The following LYPLAL1 variants were observed in gnomAD, a reference collection of about 807,000 sequenced individuals.
LYPLAL1 encodes the protein lysophospholipase-like protein 1.
A neutral mutation model predicts 19.7 loss-of-function variants in LYPLAL1; 23 were observed. The ratio of observed to expected loss-of-function variants is 1.17; its 90% CI spans 0.84 to 1.65. The LOEUF is 1.65. Among genes scored for constraint, LYPLAL1 ranks in the 40% most tolerant of loss-of-function variants. LYPLAL1 has a pLI of 0.00. For missense variants in LYPLAL1, 355 were observed against 279.4 expected (o/e 1.27, Z -1.93); for synonymous variants, 119 against 96.3 (o/e 1.24, Z -1.38).
intron 3 of LYPLAL1, among the ~76,000 whole-genome samples, chr1:219,195,475 A>T (rs1657527816): frequency 6.6e-6 from 1 of 151,856 alleles, no homozygotes; most frequent in African/African-American, 2.4e-5. Context: ...AGGAGAAAAT[A>T]CTCTGAGTAG....
chr1:219,335,626 C>T, the LYPLAL1 span, among the ~76,000 whole-genome samples: 29 of 132,450 alleles, frequency 2.2e-4, no homozygotes, highest in African/African-American at 7.2e-4. Context: ...ACTAAAAACT[C>T]TTCCCTCTAG....
chr1:219,275,834 G>C, the LYPLAL1 span, among the ~76,000 whole-genome samples: 2 of 152,184 alleles, frequency 1.3e-5, no homozygotes, highest in South Asian at 4.2e-4. Context: ...CTACACCCTA[G>C]CTTCATTCTT....
the LYPLAL1 span, among the ~76,000 whole-genome samples, chr1:219,353,878 A>G: frequency 6.6e-6 from 1 of 152,180 alleles, no homozygotes; most frequent in South Asian, 2.1e-4. Flanking sequence ...ACTATTATAA[A>G]TGTTTAAGAG....
the LYPLAL1 span, among the ~76,000 whole-genome samples, chr1:219,312,847 TAG>T: frequency 4.6e-5 from 7 of 152,142 alleles, no homozygotes; most frequent in African/African-American, 1.7e-4. Context: ...TCCAGAGATG[TAG>T]AGAGGAAGCA....
At chr1:219,284,593 T>C in the LYPLAL1 span, among the ~76,000 whole-genome samples, 1 of 152,174 alleles carries the variant, frequency 6.6e-6, no homozygotes, top group Non-Finnish European at 1.5e-5. Context: ...GAATAAGAAG[T>C]AGCAGCAACT....
chr1:219,175,001 T>C lies in LYPLAL1; in HGVS notation c.91+1020T>C, dbSNP rs140322514. On this transcript the variant is annotated intron_variant, in intron 1 of 4. Coordinates refer to ENST00000366928, the MANE Select transcript of LYPLAL1 (RefSeq NM_138794.5). ...AGCTTGTCAGACTTTTCGAAGAAAG[T>C]GGTCTTTGAGCCGAGACGGGTAGGC... The C allele has an allele frequency of 2.0e-4, 194 of 985,364 alleles. 2 individuals are homozygous for C. In the East Asian group the frequency reaches 0.012, roughly 59 times the overall value. 61.0% of individuals were successfully genotyped at this position (985,364 alleles called of 1,614,324 possible).
At chr1:219,326,220 G>T in the LYPLAL1 span, among the ~76,000 whole-genome samples, 1 of 133,312 alleles carries the variant, frequency 7.5e-6, no homozygotes. Context: ...AGCCTTAAAG[G>T]CTTTTTGACT....
the LYPLAL1 span, among the ~76,000 whole-genome samples, chr1:219,232,285 C>T: frequency 6.6e-6 from 1 of 152,088 alleles, no homozygotes; most frequent in African/African-American, 2.4e-5. Flanking sequence ...CAGTGCAGTT[C>T]ATTTAAAAAT....
chr1:219,229,066 A>G, the LYPLAL1 span, among the ~76,000 whole-genome samples: 1 of 152,150 alleles, frequency 6.6e-6, no homozygotes, highest in South Asian at 2.1e-4. Flanking sequence ...TTTATATATG[A>G]GTAAACTGAA....
chr1:219,414,033 C>G, the LYPLAL1 span, among the ~76,000 whole-genome samples: 1 of 152,060 alleles, frequency 6.6e-6, no homozygotes, highest in African/African-American at 2.4e-5. Context: ...CTTTAATATG[C>G]CCCCCAGACA....
downstream of LYPLAL1, among the ~76,000 whole-genome samples, chr1:219,215,915 G>T (rs1350920820): frequency 2.6e-5 from 4 of 152,048 alleles, no homozygotes; most frequent in Admixed American, 6.6e-5. Context: ...CTACATCACA[G>T]CTAGAAGCTA....
chr1:219,375,555 G>A, the LYPLAL1 span, among the ~76,000 whole-genome samples: 2 of 143,080 alleles, frequency 1.4e-5, no homozygotes, highest in African/African-American at 2.6e-5. Context: ...CAGTGGGAAA[G>A]AGAAAAGAGG....
the LYPLAL1 span, among the ~76,000 whole-genome samples, chr1:219,328,507 G>A: frequency 1.9e-4 from 29 of 152,104 alleles, no homozygotes; most frequent in South Asian, 5.8e-3. Context: ...ATTAATACTG[G>A]CCAGTTGTGG....
chr1:219,355,417 A>T, the LYPLAL1 span, among the ~76,000 whole-genome samples: 3 of 152,246 alleles, frequency 2.0e-5, no homozygotes, highest in African/African-American at 7.2e-5. Flanking sequence ...AACAGAAGAG[A>T]TAAAGTAAAT....
intron 3 of LYPLAL1, among the ~76,000 whole-genome samples, chr1:219,207,739 A>G (rs879577559): frequency 3.3e-5 from 5 of 152,088 alleles, no homozygotes; most frequent in Non-Finnish European, 5.9e-5. Context: ...CAGAAGTGGC[A>G]GTATGTAGAA....
At chr1:219,285,465 C>T in the LYPLAL1 span, among the ~76,000 whole-genome samples, 26 of 152,194 alleles carry the variant, frequency 1.7e-4, no homozygotes, top group East Asian at 7.7e-4. Context: ...AGCCAAAGGT[C>T]GAAACAGCCC....
At chr1:219,210,307 G>T in intron 3 of LYPLAL1, 1 of 284,448 alleles carries the variant, frequency 3.5e-6, no homozygotes, top group Non-Finnish European at 6.5e-6. Flanking sequence ...GTTTAATCCT[G>T]GCTCCTTGTA....
At chr1:219,323,285 A>G in the LYPLAL1 span, among the ~76,000 whole-genome samples, 7 of 152,170 alleles carry the variant, frequency 4.6e-5, no homozygotes, top group Non-Finnish European at 7.3e-5. Context: ...GGAAAAAAAG[A>G]CCTCATGAAG....
the LYPLAL1 span, among the ~76,000 whole-genome samples, chr1:219,378,109 G>A: frequency 6.6e-6 from 1 of 152,168 alleles, no homozygotes; most frequent in South Asian, 2.1e-4. Flanking sequence ...TGCAAAAAGG[G>A]TCCAAAACAG....
Sources: allele counts gnomAD v4.1 joint callset (sites outside exome capture counted in the v4.1 genomes callset), GRCh38; gene constraint gnomAD v4.1.1; transcripts MANE v1.5; gene names NCBI Gene and HGNC (gene_info 2026-07-23, HGNC 2026-07-21).